LRMDA: variants seen among roughly 807,000 people sequenced by gnomAD.
LRMDA encodes leucine-rich melanocyte differentiation-associated protein.
In LRMDA, 18 loss-of-function variants were observed where a neutral mutation model predicts 29.8. That is an observed-to-expected ratio of 0.60 (90% confidence interval 0.42 to 0.90). The LOEUF (loss-of-function observed/expected upper bound fraction) is 0.90, where lower values mean the gene tolerates loss of function less well. Among genes scored for constraint, LRMDA ranks in the 40% least tolerant of loss-of-function variants. LRMDA has a pLI of 0.00. For synonymous variants in LRMDA, 125 were observed against 109.4 expected (o/e 1.14, Z -0.89); for missense variants, 273 against 273.9 (o/e 1.00, Z 0.02).
chr10:76,137,816 G>A (rs1850125552), intron 5 of LRMDA, among the ~76,000 whole-genome samples: 1 of 151,898 alleles, frequency 6.6e-6, no homozygotes, highest in Non-Finnish European at 1.5e-5. Flanking sequence ...TTTGACTTGG[G>A]GTGACAATGT....
chr10:75,746,722 AT>A (rs2132214974), intron 2 of LRMDA, among the ~76,000 whole-genome samples: 1 of 152,170 alleles, frequency 6.6e-6, no homozygotes, highest in Admixed American at 6.5e-5. Context: ...AGAGAGTGCT[AT>A]TTTTGGGGGG....
chr10:76,541,533 C>T (rs911246698), intron 6 of LRMDA, among the ~76,000 whole-genome samples: 3 of 152,148 alleles, frequency 2.0e-5, no homozygotes, highest in Non-Finnish European at 2.9e-5. Flanking sequence ...GAAAATTGAA[C>T]TGATGATTTT....
chr10:75,958,313 G>C (rs1368377860), intron 2 of LRMDA, among the ~76,000 whole-genome samples: 2 of 152,208 alleles, frequency 1.3e-5, no homozygotes, highest in East Asian at 3.9e-4. Context: ...TCTGTAACTA[G>C]GTATATAATT....
At chr10:76,350,865 G>A (rs1265048376) in intron 6 of LRMDA, among the ~76,000 whole-genome samples, 2 of 152,076 alleles carry the variant, frequency 1.3e-5, no homozygotes, top group South Asian at 4.1e-4. Flanking sequence ...TGTCCATTCC[G>A]AGTATAAATG....
intron 2 of LRMDA, among the ~76,000 whole-genome samples, chr10:76,018,622 C>T (rs540309920): frequency 1.4e-3 from 192 of 140,776 alleles, no homozygotes; most frequent in Non-Finnish European, 1.2e-3. Flanking sequence ...GGCTGGAGTG[C>T]AGTGGTTTAA....
chr10:76,038,295 A>G (rs897457670), intron 3 of LRMDA, among the ~76,000 whole-genome samples: 1 of 152,200 alleles, frequency 6.6e-6, no homozygotes, highest in African/African-American at 2.4e-5. Context: ...AGAGATAAGC[A>G]GGCCTCTTGG....
At chr10:75,842,858 TAA>T (rs57455428) in intron 2 of LRMDA, among the ~76,000 whole-genome samples, 10 of 143,226 alleles carry the variant, frequency 7.0e-5, no homozygotes, top group East Asian at 2.0e-4. Context: ...CCCTGTTTCT[TAA>T]AAAAAAAAAA....
At chr10:75,694,184 T>G (rs11001471) in intron 2 of LRMDA, among the ~76,000 whole-genome samples, 16,981 of 152,228 alleles carry the variant, frequency 0.11, 992 homozygotes, top group Middle Eastern at 0.18. Flanking sequence ...TAATACACAG[T>G]TAAACAGTGA....
In LRMDA at chr10:76,372,337, G is replaced by A. The variant is rs180817336; in HGVS notation, c.601+47852G>A. Among the ~76,000 whole-genome samples, 137 of 152,262 alleles carry A rather than the reference G, an allele frequency of 9.0e-4. 1 individual carries two copies. The highest frequency in any genetic ancestry group is 3.3e-3 in the African/African-American group (135 of 41,538). ...TTCTCTTTGAAGAAATCCTTGCCGG[G>A]CACAGTGGCTCACACCTGTAATCCC... On this transcript the variant is annotated intron_variant, in intron 6 of 6. Transcript: ENST00000611255.
intron 2 of LRMDA, among the ~76,000 whole-genome samples, chr10:75,737,393 G>T (rs150584400): frequency 6.6e-6 from 1 of 152,202 alleles, no homozygotes; most frequent in African/African-American, 2.4e-5. Context: ...TGGCAGGAAC[G>T]TTGGGCCATC....
chr10:76,156,784 A>G (rs1482821286), intron 5 of LRMDA, among the ~76,000 whole-genome samples: 1 of 152,234 alleles, frequency 6.6e-6, no homozygotes, highest in Non-Finnish European at 1.5e-5. Context: ...ACAAGTGGCT[A>G]TTGGAATGAT....
chr10:76,002,631 T>C (rs976442109), intron 2 of LRMDA, among the ~76,000 whole-genome samples: 8 of 152,168 alleles, frequency 5.3e-5, no homozygotes, highest in African/African-American at 1.9e-4. Context: ...AGGGCATCTT[T>C]AATGAAATGA....
intron 2 of LRMDA, among the ~76,000 whole-genome samples, chr10:75,495,656 T>C (rs891279730): frequency 1.6e-4 from 25 of 152,104 alleles, no homozygotes; most frequent in Admixed American, 7.9e-4. Context: ...AGATCCAGAG[T>C]CCTGCCACTT....
intron 2 of LRMDA, among the ~76,000 whole-genome samples, chr10:75,742,458 G>T (rs1016201133): frequency 3.3e-5 from 5 of 152,218 alleles, no homozygotes; most frequent in African/African-American, 1.2e-4. Context: ...GAGCTGCAGT[G>T]GTGGGTCCTC....
At chr10:76,083,422 T>C (rs931012223) in intron 5 of LRMDA, among the ~76,000 whole-genome samples, 10 of 152,218 alleles carry the variant, frequency 6.6e-5, no homozygotes, top group Admixed American at 3.3e-4. Flanking sequence ...CTGTGTAACA[T>C]GGCATGCCCC....
chr10:76,193,356 C>G (rs996574100), intron 5 of LRMDA, among the ~76,000 whole-genome samples: 1 of 152,120 alleles, frequency 6.6e-6, no homozygotes, highest in African/African-American at 2.4e-5. Flanking sequence ...TAATTAGGCT[C>G]CCTGCTTCAA....
chr10:76,516,042 C>T (rs1051276358), intron 6 of LRMDA, among the ~76,000 whole-genome samples: 18 of 152,134 alleles, frequency 1.2e-4, no homozygotes, highest in Non-Finnish European at 1.8e-4. Context: ...AGATCTGGAT[C>T]CTTGAAGTTT....
At chr10:75,616,822 A>G (rs761288017) in intron 2 of LRMDA, among the ~76,000 whole-genome samples, 31 of 152,304 alleles carry the variant, frequency 2.0e-4, no homozygotes, top group African/African-American at 6.3e-4. Flanking sequence ...CACTTCTTGT[A>G]TGGTTTGATT....
chr10:76,144,041 A>T (rs79297945), intron 5 of LRMDA, among the ~76,000 whole-genome samples: 6 of 152,116 alleles, frequency 3.9e-5, no homozygotes, highest in African/African-American at 1.4e-4. Context: ...GTTCTGTTCT[A>T]TTGGTCTATA....
Sources: allele counts gnomAD v4.1 joint callset (sites outside exome capture counted in the v4.1 genomes callset), GRCh38; gene constraint gnomAD v4.1.1; transcripts MANE v1.5; gene names NCBI Gene and HGNC (gene_info 2026-07-23, HGNC 2026-07-21).